The following KANSL3 variants were observed in gnomAD, a reference collection of about 807,000 sequenced individuals.
KANSL3 encodes the protein NSL complex protein NSL3.
A neutral mutation model predicts 89.2 loss-of-function variants in KANSL3; 16 were observed. That is an observed-to-expected ratio of 0.18 (90% CI 0.12 to 0.27). The LOEUF is 0.27. KANSL3 is among the 10% of genes least tolerant of loss of function. KANSL3 has a pLI of 1.00. For missense variants in KANSL3, 879 were observed against 1,110.6 expected, an observed-to-expected ratio of 0.79 and a Z score of 2.96; for synonymous variants, 385 against 419.7, an observed-to-expected ratio of 0.92 and a Z score of 1.01.
At chr2:96,598,935 A>T (rs75704110) in intron 20 of KANSL3, among the ~76,000 whole-genome samples, 1 of 140,572 alleles carries the variant, frequency 7.1e-6, no homozygotes, top group Non-Finnish European at 1.5e-5. Context: ...AAAAAAAAAA[A>T]GGAAATGTTT....
rs762016974 is a variant in KANSL3 at position 96,611,135 on chromosome 2, A to G, written c.1090T>C (p.Ser364Pro). The G allele has an allele frequency of 1.2e-6, 2 of 1,613,612 alleles. No individual in the cohort carries two copies. Among genetic ancestry groups the G allele is most frequent in the Admixed American group, 1.7e-5 (1 of 60,030 alleles). Reference sequence around the variant, plus strand: ...ACTGCAGTGACATACTCCATTACTGACACCTGTAAATAACAGAACAGTTTG... The same window carrying G: ...ACTGCAGTGACATACTCCATTACTGGCACCTGTAAATAACAGAACAGTTTG... ...NTGALVACHV[S>P]VMEYVTAVVC... Residue 364 changes from serine (S) to proline (P), a missense_variant, in exon 10 of 21, where the codon TCA becomes CCA. Transcript: ENST00000431828.
rs748810614 is a variant in KANSL3, at chr2:96,610,807, G to T, written c.1238C>A (p.Pro413His). The change falls in exon 11 of 21, where the codon CCT (proline) becomes CAT (histidine). Residue 413 changes from proline (P) to histidine (H), a missense_variant. This residue lies in a region of KANSL3 where 198 missense variants were observed against 260.3 expected (regional missense o/e 0.76). Transcript: ENST00000431828. ...CTCCCGGAAGTCCTCCATGGCTTCA[G>T]GGTGACATTGAAGGGAATTCTGACC... ...VIGQNSLQCH[P>H]EAMEDFREKI... 131 of 1,613,868 alleles carry T rather than the reference G, an allele frequency of 8.1e-5. No individual in the cohort carries two copies. The highest frequency in any genetic ancestry group is 1.1e-4 in the Non-Finnish European group (130 of 1,179,868).
intron 20 of KANSL3, among the ~76,000 whole-genome samples, chr2:96,597,743 C>A (rs1391032723): frequency 6.6e-6 from 1 of 152,100 alleles, no homozygotes; most frequent in Non-Finnish European, 1.5e-5. Context: ...GCTGGGATTA[C>A]AGGTGCACGC....
At chr2:96,608,100 A>C (rs942945573) in intron 14 of KANSL3, among the ~76,000 whole-genome samples, 5 of 152,214 alleles carry the variant, frequency 3.3e-5, no homozygotes, top group Admixed American at 6.5e-5. Context: ...CAGTGTGAGA[A>C]TCTTAACGCT....
intron 3 of KANSL3, chr2:96,628,065 G>C: frequency 7.7e-7 from 1 of 1,290,330 alleles, no homozygotes; most frequent in South Asian, 1.2e-5. Context: ...ATAACAGAAG[G>C]GTGGTGGTCC....
chr2:96,608,010 T>C (rs2068266681), intron 14 of KANSL3, among the ~76,000 whole-genome samples: 1 of 152,198 alleles, frequency 6.6e-6, no homozygotes, highest in South Asian at 2.1e-4. Context: ...ACCAAACTCT[T>C]ACTTTCGACT....
At chr2:96,627,219 T>G (rs1332418805) in intron 3 of KANSL3, among the ~76,000 whole-genome samples, 2 of 151,610 alleles carry the variant, frequency 1.3e-5, no homozygotes, top group Admixed American at 1.3e-4. Context: ...GGAACATGCT[T>G]CTTTTTTTTT....
chr2:96,628,546 T>C (rs1285590512), intron 3 of KANSL3: 1 of 165,430 alleles, frequency 6.0e-6, no homozygotes. Context: ...ACTTGGGAGG[T>C]TAAGGTTCCC....
Position 96,594,231 on chromosome 2 carries a change from C to G in KANSL3, c.*1380G>C, listed in dbSNP as rs2066387933. 1 of 152,252 alleles carries G rather than the reference C, an allele frequency of 6.6e-6. No homozygotes were observed. The highest frequency in any genetic ancestry group is 1.5e-5 in the Non-Finnish European group (1 of 68,048). 9.4% of individuals were successfully genotyped at this position (152,252 alleles called of 1,614,324 possible). ...TACATTTTAAGCCATGTTGTGGGCC[C>G]TTCCTGCCTACAGAAAAGGACACTT... is the stretch of plus-strand genomic sequence containing the variant. On this transcript the variant is annotated 3_prime_UTR_variant, in exon 21 of 21. Coordinates refer to ENST00000431828, the MANE Select transcript of KANSL3 (RefSeq NM_001115016.3).
At position 96,595,431 on chromosome 2, in the gene KANSL3, C is replaced by A; in HGVS notation, c.*180G>T. 2 of 581,542 alleles carry A rather than the reference C, an allele frequency of 3.4e-6. No homozygotes were observed. The highest frequency in any genetic ancestry group is 2.3e-5 in the South Asian group (1 of 44,048). 36.0% of individuals were successfully genotyped at this position (581,542 alleles called of 1,614,324 possible). ...ATCCTGGACGATGGTGCTTCCCTTG[C>A]TGGCACCGTATCACCTAACCTAATG... On this transcript the variant is annotated 3_prime_UTR_variant, in exon 21 of 21. Coordinates refer to ENST00000431828, the MANE Select transcript of KANSL3 (RefSeq NM_001115016.3).
chr2:96,638,262 C>G (rs1381820393), intron 1 of KANSL3, 21 bp downstream of exon 1: 1 of 152,400 alleles, frequency 6.6e-6, no homozygotes, highest in Non-Finnish European at 1.5e-5. Flanking sequence ...CCACTCCCCT[C>G]GAAGCCAACG....
rs769780098 is a variant in KANSL3 at position 96,636,980 on chromosome 2, A to G, written c.156T>C (p.Ser52=). The stretch of plus-strand genomic sequence containing the variant: ...AGAGCATGCGGGTGGGGCGGGCACT[A>G]CTGGCATCTGGGTGGGCACTCCAAG... The part of the protein sequence containing the change: ...AKPWSAHPDA[S]SARPTRMLFV... The change falls in exon 2 of 21, where the codon AGT becomes AGC. Residue 52 remains serine (S), a synonymous_variant. Coordinates refer to ENST00000431828, the MANE Select transcript of KANSL3 (RefSeq NM_001115016.3). 4 of 1,551,038 alleles carry G rather than the reference A, an allele frequency of 2.6e-6. No individual in the cohort carries two copies. Among genetic ancestry groups the G allele is most frequent in the South Asian group, 1.2e-5 (1 of 84,022 alleles).
intron 5 of KANSL3, 39 bp from the exon 6 acceptor site, chr2:96,613,658 G>A (rs200531643): frequency 2.1e-5 from 34 of 1,596,086 alleles, no homozygotes; most frequent in Middle Eastern, 1.7e-4. Flanking sequence ...CCAGTGTAAA[G>A]CAGGAGACCT....
chr2:96,636,817 C>T, intron 2 of KANSL3, 104 bp downstream of exon 2: 9 of 955,218 alleles, frequency 9.4e-6, no homozygotes, highest in Non-Finnish European at 1.4e-5. Context: ...CATCCAAATG[C>T]CTCATACAAT....
In KANSL3 at chr2:96,612,563, C is replaced by T; in HGVS notation, c.913G>A (p.Val305Ile). Residue 305 changes from valine (V) to isoleucine (I), a missense_variant and splice_region_variant, in exon 8 of 21, where the codon GTC (valine) becomes ATC (isoleucine). Val to Ile is a conservative substitution (Grantham distance 29). Coordinates refer to ENST00000431828, the MANE Select transcript of KANSL3 (RefSeq NM_001115016.3). Reference sequence around the variant, plus strand: ...AGCAGATGGGTGGCTACAGGGATGACCTGAAGGAAAGAAGTAGCCCCCACA... The same window carrying T: ...AGCAGATGGGTGGCTACAGGGATGATCTGAAGGAAAGAAGTAGCCCCCACA... ...WQSQLSCLGK[V>I]IPVATHLLNN... 6.2e-7 allele frequency: 1 copy of T among 1,611,756 alleles called. No individual in the cohort carries two copies. The highest frequency in any genetic ancestry group is 1.1e-5 in the South Asian group (1 of 90,972).
chr2:96,626,851 C>A (rs1243849659), intron 3 of KANSL3, among the ~76,000 whole-genome samples: 1 of 152,190 alleles, frequency 6.6e-6, no homozygotes, highest in Non-Finnish European at 1.5e-5. Flanking sequence ...AGAGGCCGGA[C>A]AGAAAATGTT....
At chr2:96,601,235 T>G in intron 20 of KANSL3, 1 of 857,370 alleles carries the variant, frequency 1.2e-6, no homozygotes, top group South Asian at 5.4e-5. Context: ...ACCCCTGCAC[T>G]CCAGCTTGGG....
intron 11 of KANSL3, among the ~76,000 whole-genome samples, chr2:96,609,876 A>AGGAGGC (rs1312229578): frequency 3.0e-5 from 4 of 134,838 alleles, no homozygotes; most frequent in African/African-American, 1.1e-4. Context: ...TCCAGAACTC[A>AGGAGGC]GGAGGCGGAG....
At chr2:96,628,067 T>C (rs1558768711) in intron 3 of KANSL3, 1 of 1,290,300 alleles carries the variant, frequency 7.8e-7, no homozygotes, top group Non-Finnish European at 1.0e-6. Context: ...AACAGAAGGG[T>C]GGTGGTCCAC....
Sources: gnomAD v4.1 joint callset for allele counts (sites outside exome capture counted in the v4.1 genomes callset) on GRCh38, gnomAD v4.1.1 for gene constraint, gnomAD v4.1.1 regional missense constraint, MANE v1.5 for transcripts, NCBI Gene and HGNC (gene_info 2026-07-23, HGNC 2026-07-21) for gene names.